WDR35: variants seen among roughly 807,000 people sequenced by gnomAD.
The protein encoded by WDR35 is WD repeat domain 35, also known as WD repeat-containing protein 35.
WDR35 carries 118 observed loss-of-function variants against 158.3 expected under a neutral mutation model. The ratio of observed to expected loss-of-function variants is 0.75; its 90% CI spans 0.64 to 0.87. WDR35 has a LOEUF of 0.87. Among genes scored for constraint, WDR35 ranks in the 40% least tolerant of loss-of-function variants. The pLI is 0.00. For synonymous variants in WDR35, 448 were observed against 476.1 expected (o/e 0.94, Z 0.77); for missense variants, 1,263 against 1,405.8 (o/e 0.90, Z 1.62).
intron 24 of WDR35, 92 bp from the exon 25 acceptor site, chr2:19,930,644 G>C: frequency 6.4e-7 from 1 of 1,563,480 alleles, no homozygotes; most frequent in Non-Finnish European, 8.7e-7. Flanking sequence ...GTATCTAAAT[G>C]AGCAGATTTT....
intron 12 of WDR35, among the ~76,000 whole-genome samples, chr2:19,952,180 T>G (rs1270239687): frequency 6.6e-6 from 1 of 152,168 alleles, no homozygotes; most frequent in African/African-American, 2.4e-5. Context: ...CTCCCACCCT[T>G]CTGAGTCTCC....
Position 19,912,766 on chromosome 2 carries a change from T to C in WDR35, c.*792A>G, listed in dbSNP as rs914641532. 6.6e-6 allele frequency: 1 copy of C among 152,176 alleles called. No individual in the cohort carries two copies. The highest frequency in any genetic ancestry group is 1.5e-5 in the Non-Finnish European group (1 of 68,024). The allele number at this position is 152,176 out of a possible 1,614,324, so 9.4% of individuals were successfully genotyped here. A position where few individuals can be genotyped will look rare whatever the true frequency, so the allele number is the denominator to read the frequency against. ...TTAATAATAAATGAAAACAGACGCATATCAAGAAAAAATCACTCCCTCAAC... is the reference window on the plus strand; with the variant it reads ...TTAATAATAAATGAAAACAGACGCACATCAAGAAAAAATCACTCCCTCAAC... On this transcript the variant is annotated 3_prime_UTR_variant, in exon 27 of 27. Coordinates refer to ENST00000281405, the MANE Select transcript of WDR35 (RefSeq NM_020779.4).
At chr2:19,943,138 C>A (rs1427822939) in intron 16 of WDR35, among the ~76,000 whole-genome samples, 1 of 152,038 alleles carries the variant, frequency 6.6e-6, no homozygotes, top group African/African-American at 2.4e-5. Flanking sequence ...GCTTAAAAAG[C>A]TTCTTGCAAA....
chr2:19,935,555 T>A lies in WDR35; in HGVS notation c.2463A>T (p.Leu821Phe). 1 of 1,613,214 alleles carries A rather than the reference T, an allele frequency of 6.2e-7. No individual in the cohort carries two copies. Among genetic ancestry groups the A allele is most frequent in the Non-Finnish European group, 8.5e-7 (1 of 1,179,632 alleles). Residue 821 changes from leucine (L) to phenylalanine (F), a missense_variant, in exon 21 of 27, where the codon TTA becomes TTT. By Grantham distance (22) the Leu-to-Phe change is conservative (BLOSUM62 0). Coordinates refer to ENST00000281405, the MANE Select transcript of WDR35 (RefSeq NM_020779.4). ...YYVQGRNQER[L>F]AECYYMLEDY... ...CCTCTAACATATAGTAACATTCAGCTAAGCGTTCCTGGTTCCGTCCTTGTA... is the reference window on the plus strand; with the variant it reads ...CCTCTAACATATAGTAACATTCAGCAAAGCGTTCCTGGTTCCGTCCTTGTA...
intron 13 of WDR35, among the ~76,000 whole-genome samples, chr2:19,951,200 A>T (rs1478182343): frequency 6.6e-6 from 1 of 152,174 alleles, no homozygotes; most frequent in African/African-American, 2.4e-5. Flanking sequence ...TTTTCTAAGT[A>T]GTATATTAGC....
chr2:19,980,622 C>T, intron 4 of WDR35, 69 bp downstream of exon 4: 2 of 1,263,904 alleles, frequency 1.6e-6, no homozygotes, highest in South Asian at 2.4e-5. Context: ...ATGTTATTTA[C>T]CCATCCAAAT....
Position 19,962,461 on chromosome 2 carries a change from C to T in WDR35, c.1195-1847G>A, listed in dbSNP as rs545587077. On this transcript the variant is annotated intron_variant, in intron 10 of 26. Transcript: ENST00000281405. The stretch of plus-strand genomic sequence containing the variant: ...GACCAATATTAGGAAAATAATCAAA[C>T]GTAATGCACATTTTACATCACATTG... 117 of 812,090 alleles carry T rather than the reference C, an allele frequency of 1.4e-4. 1 individual carries two copies. Among genetic ancestry groups the T allele is most frequent in the Admixed American group, 1.2e-3 (57 of 47,826 alleles). The allele number at this position is 812,090 out of a possible 1,614,324, so 50.3% of individuals were successfully genotyped here.
intron 11 of WDR35, among the ~76,000 whole-genome samples, chr2:19,955,241 C>T (rs539127351): frequency 6.6e-6 from 1 of 152,152 alleles, no homozygotes; most frequent in East Asian, 1.9e-4. Context: ...TGAGCCACCC[C>T]GCCTGGCCAC....
intron 10 of WDR35, chr2:19,962,188 G>T: frequency 8.6e-7 from 1 of 1,166,906 alleles, no homozygotes; most frequent in Non-Finnish European, 1.2e-6. Flanking sequence ...ATTTTTCCAT[G>T]AACCTTCTGA....
At position 19,941,785 on chromosome 2, in the gene WDR35, AT is replaced by A; in HGVS notation, c.1899del (p.Lys633AsnfsTer9). 1 of 1,570,632 alleles carries A rather than the reference AT, an allele frequency of 6.4e-7. No individual in the cohort carries two copies. Among genetic ancestry groups the A allele is most frequent in the Non-Finnish European group, 8.7e-7 (1 of 1,149,372 alleles). ...TTTAATATCTCATCCAAAAGAACAG[AT>A]TTAATTTCTAAATCCTCAAAATTAC... The part of the protein sequence containing the change: ...YICNFEDLEI[K>X]SVLLDEILKD... On this transcript the variant is annotated frameshift_variant, in exon 17 of 27. Coordinates refer to ENST00000281405, the MANE Select transcript of WDR35 (RefSeq NM_020779.4). LOFTEE classifies it high-confidence loss of function.
chr2:19,946,645 G>T, intron 14 of WDR35, 75 bp from the exon 15 acceptor site: 1 of 1,381,400 alleles, frequency 7.2e-7, no homozygotes, highest in Non-Finnish European at 1.0e-6. Context: ...TTCTCTATAT[G>T]TCTATACATT....
chr2:19,960,976 T>A (rs879459361), intron 10 of WDR35, among the ~76,000 whole-genome samples: 21 of 152,212 alleles, frequency 1.4e-4, no homozygotes, highest in Non-Finnish European at 2.9e-4. Flanking sequence ...TTAAAAATTG[T>A]TTGCATCAAA....
At chr2:19,978,697 A>C in intron 5 of WDR35, 54 bp downstream of exon 5, 1 of 1,611,766 alleles carries the variant, frequency 6.2e-7, no homozygotes, top group Non-Finnish European at 8.5e-7. Context: ...TCTCTAAAGA[A>C]GAAAACTGTC....
At chr2:19,976,578 G>A (rs761904092) in intron 5 of WDR35, among the ~76,000 whole-genome samples, 2 of 151,780 alleles carry the variant, frequency 1.3e-5, no homozygotes, top group Non-Finnish European at 2.9e-5. Context: ...TCTTGATCTT[G>A]GACTTCTAGA....
At chr2:19,927,547 G>T (rs193162597) in intron 25 of WDR35, among the ~76,000 whole-genome samples, 2 of 152,282 alleles carry the variant, frequency 1.3e-5, no homozygotes, top group African/African-American at 4.8e-5. Context: ...CTATTATCTA[G>T]AACCATGGTG....
chr2:19,950,501 C>G (rs1671202176), intron 13 of WDR35, among the ~76,000 whole-genome samples: 2 of 152,084 alleles, frequency 1.3e-5, no homozygotes, highest in South Asian at 4.1e-4. Context: ...ATGGAAACTT[C>G]TGTTGTTTTT....
At chr2:19,935,276 CTT>C (rs1670656004) in intron 21 of WDR35, 193 bp downstream of exon 21, 2 of 495,376 alleles carry the variant, frequency 4.0e-6, no homozygotes, top group Non-Finnish European at 3.3e-6. Flanking sequence ...ATGTGACTGA[CTT>C]TTCCTCCTCC....
In WDR35 at chr2:19,974,556, T is replaced by C; in HGVS notation, c.648A>G (p.Thr216=). 1 of 1,613,528 alleles carries C rather than the reference T, an allele frequency of 6.2e-7. No homozygotes were observed. Among genetic ancestry groups the C allele is most frequent in the Non-Finnish European group, 8.5e-7 (1 of 1,179,706 alleles). The change falls in exon 7 of 27, where the codon ACA becomes ACG. Residue 216 remains threonine, a synonymous_variant. Coordinates refer to ENST00000281405, the MANE Select transcript of WDR35 (RefSeq NM_020779.4). ...SIAGIHWYHG[T]EGYVEPDCPC... ...GGCAATCAGGCTCCACGTAGCCTTC[T>C]GTGCCATGGTACCAATGAATTCCAG...
Position 19,912,183 on chromosome 2 carries a change from T to G in WDR35, c.*1375A>C, listed in dbSNP as rs1179131469. On this transcript the variant is annotated 3_prime_UTR_variant, in exon 27 of 27. Coordinates refer to ENST00000281405, the MANE Select transcript of WDR35 (RefSeq NM_020779.4). The stretch of plus-strand genomic sequence containing the variant: ...TGTTAATCTATCATTGCTTTCTCCT[T>G]GTTCCTCACTGTGTATTGCAAATTG... 6.6e-6 allele frequency: 1 copy of G among 152,234 alleles called. No individual in the cohort carries two copies. The highest frequency in any genetic ancestry group is 1.5e-5 in the Non-Finnish European group (1 of 68,040). The allele number at this position is 152,234 out of a possible 1,614,324, so 9.4% of individuals were successfully genotyped here.
Sources: gnomAD v4.1 joint callset for allele counts (sites outside exome capture counted in the v4.1 genomes callset) on GRCh38, gnomAD v4.1.1 for gene constraint, MANE v1.5 for transcripts, NCBI Gene and HGNC (gene_info 2026-07-23, HGNC 2026-07-21) for gene names.